Variants in NBPF12 observed in about 807,000 individuals in gnomAD.
The protein encoded by NBPF12 is NBPF member 12, also known as NBPF family member NBPF12.
A neutral mutation model predicts 146.4 loss-of-function variants in NBPF12; 115 were observed. The ratio of observed to expected loss-of-function variants is 0.79; its 90% CI spans 0.68 to 0.92. The LOEUF is 0.92. Among genes scored for constraint, NBPF12 ranks in the 40% least tolerant of loss-of-function variants. The pLI is 0.00. For missense variants in NBPF12, 1,205 were observed against 1,326.8 expected, an observed-to-expected ratio of 0.91 and a Z score of 1.43; for synonymous variants, 385 against 508.9, an observed-to-expected ratio of 0.76 and a Z score of 3.28.
intron 10 of NBPF12, among the ~76,000 whole-genome samples, chr1:146,969,172 G>A (rs1440562194): frequency 2.0e-5 from 3 of 151,252 alleles, no homozygotes; most frequent in South Asian, 2.1e-4. Context: ...GAACATCATC[G>A]AGGATCTTGC....
chr1:146,976,275 G>C lies in NBPF12; in HGVS notation c.2119+384G>C, dbSNP rs1179226014. Among the ~76,000 whole-genome samples the C allele has an allele frequency of 3.3e-5, 5 of 151,024 alleles. No homozygotes were observed. The East Asian group carries it at 7.8e-4, about 24-fold the overall frequency. ...GTAACTGTCGGTGAGTGAATGACTT[G>C]TCCTTCCTGAGTTTCTCTCTCTCCA... On this transcript the variant is annotated intron_variant, in intron 16 of 33. Transcript: ENST00000617844.
At chr1:146,949,137 GCAT>G (rs1655212496), upstream of NBPF12, among the ~76,000 whole-genome samples, 1 of 114,572 alleles carries the variant, frequency 8.7e-6, no homozygotes, top group South Asian at 2.5e-4. Context: ...GCCAGTGCCG[GCAT>G]GGGTCCTCCG....
intron 8 of NBPF12, among the ~76,000 whole-genome samples, chr1:146,965,645 A>G (rs1242752579): frequency 1.0e-4 from 15 of 145,722 alleles, no homozygotes; most frequent in Non-Finnish European, 2.0e-4. Context: ...AAAAAAAATT[A>G]GCTGGGCGCG....
chr1:146,994,848 T>C (rs1246240503), exon 34 of NBPF12: 3 of 615,882 alleles, frequency 4.9e-6, no homozygotes, highest in Non-Finnish European at 7.9e-6. Context: ...TATCTCTGGG[T>C]AGCTACAAAA....
At chr1:146,974,202 T>A (rs1402720124) in intron 14 of NBPF12, among the ~76,000 whole-genome samples, 1 of 148,410 alleles carries the variant, frequency 6.7e-6, no homozygotes, top group African/African-American at 2.6e-5. Flanking sequence ...TTCATGGCCT[T>A]ATGGTGTTAT....
chr1:146,984,240 A>C (rs1657565530), intron 21 of NBPF12, 55 bp downstream of exon 24: 3 of 785,424 alleles, frequency 3.8e-6, no homozygotes, highest in South Asian at 2.7e-5. Flanking sequence ...GGAGATGCCA[A>C]GTCCAGGGAA....
intron 8 of NBPF12, among the ~76,000 whole-genome samples, chr1:146,965,362 T>G (rs1288547499): frequency 1.9e-4 from 28 of 151,330 alleles, no homozygotes; most frequent in Non-Finnish European, 3.2e-4. Flanking sequence ...TAGGCAGTCA[T>G]GGTGCTGCGT....
At chr1:146,954,165 G>A (rs1273778211) in intron 2 of NBPF12, among the ~76,000 whole-genome samples, 2 of 150,272 alleles carry the variant, frequency 1.3e-5, no homozygotes, top group Admixed American at 1.3e-4. Flanking sequence ...GCCGAGGTGG[G>A]CAGATCATGA....
chr1:146,950,628 C>T (rs1463590543), intron 1 of NBPF12, among the ~76,000 whole-genome samples: 21 of 152,164 alleles, frequency 1.4e-4, no homozygotes, highest in African/African-American at 4.3e-4. Flanking sequence ...CACTCTTTTG[C>T]GTATGGCTCC....
intron 11 of NBPF12, 21 bp from the exon 15 acceptor site, chr1:146,970,626 A>C: frequency 6.4e-7 from 1 of 1,565,180 alleles, no homozygotes; most frequent in East Asian, 2.2e-5. Flanking sequence ...AAATATCTGA[A>C]CGAACATTTT....
intron 1 of NBPF12, among the ~76,000 whole-genome samples, chr1:146,951,070 C>T (rs1307963626): frequency 6.6e-6 from 1 of 151,082 alleles, no homozygotes; most frequent in Non-Finnish European, 1.5e-5. Flanking sequence ...CCAAAGAGGC[C>T]TCTCTATATA....
chr1:146,974,043 C>G (rs1656831234), intron 14 of NBPF12, among the ~76,000 whole-genome samples: 2 of 150,862 alleles, frequency 1.3e-5, no homozygotes, highest in Non-Finnish European at 2.9e-5. Flanking sequence ...ATACCTACCT[C>G]TGTAAATTGC....
rs1214479741 is a variant in NBPF12, at chr1:146,970,782, G to A, written c.1379+63G>A. On this transcript the variant is annotated intron_variant, in intron 12 of 33. Transcript: ENST00000617844. ...ACATATGAAAATGTCTAGGAGGCAT[G>A]CCCTCTCTGGCATCTATGATGGGCC... is the stretch of plus-strand genomic sequence containing the variant. 1.2e-4 allele frequency: 148 copies of A among 1,233,152 alleles called. 1 individual carries two copies. In the Admixed American group the frequency reaches 1.7e-3, roughly 15 times the overall value. The allele number at this position is 1,233,152 out of a possible 1,614,324, so 76.4% of individuals were successfully genotyped here. A position where few individuals can be genotyped will look rare whatever the true frequency, so the allele number is the denominator to read the frequency against.
chr1:146,989,131 T>G (rs1657980065), intron 27 of NBPF12, among the ~76,000 whole-genome samples, 182 bp downstream of exon 30: 1 of 94,512 alleles, frequency 1.1e-5, no homozygotes, highest in Non-Finnish European at 2.3e-5. Context: ...CCCTTATCAT[T>G]TAGTAACGTA....
At chr1:146,965,393 A>G (rs1656120565) in intron 8 of NBPF12, among the ~76,000 whole-genome samples, 1 of 151,298 alleles carries the variant, frequency 6.6e-6, no homozygotes, top group African/African-American at 2.5e-5. Context: ...CCAACTGCTC[A>G]GGAGACTTAG....
At chr1:146,948,355 G>A (rs1391469634), upstream of NBPF12, among the ~76,000 whole-genome samples, 3 of 151,830 alleles carry the variant, frequency 2.0e-5, no homozygotes. Context: ...CTGTGTCTGT[G>A]TAGGAAGAAG....
intron 13 of NBPF12, among the ~76,000 whole-genome samples, chr1:146,971,930 A>G (rs1219975321): frequency 3.4e-5 from 5 of 148,480 alleles, no homozygotes; most frequent in Non-Finnish European, 5.9e-5. Context: ...ATACAAAAAA[A>G]AAAAAAAATT....
intron 1 of NBPF12, 111 bp downstream of exon 1, chr1:146,939,123 A>AGGGCTCCGCC (rs1275895685): frequency 3.3e-5 from 5 of 152,122 alleles, no homozygotes; most frequent in African/African-American, 4.8e-5. Flanking sequence ...CGGGCTCCGC[A>AGGGCTCCGCC]GGGCTCCGCC....
At chr1:146,941,271 C>T (rs1230621329) in intron 1 of NBPF12, among the ~76,000 whole-genome samples, 3 of 151,638 alleles carry the variant, frequency 2.0e-5, no homozygotes, top group Non-Finnish European at 4.4e-5. Flanking sequence ...TTTTACTAGA[C>T]ATGGGGTTTT....
Sources: allele counts gnomAD v4.1 joint callset (sites outside exome capture counted in the v4.1 genomes callset), GRCh38; gene constraint gnomAD v4.1.1; transcripts MANE v1.5; gene names NCBI Gene and HGNC (gene_info 2026-07-23, HGNC 2026-07-21).